Variants in KIRREL1 observed in about 807,000 individuals in gnomAD.
KIRREL1 encodes kirre like nephrin family adhesion molecule 1.
KIRREL1 carries 25 observed loss-of-function variants against 83.3 expected under a neutral mutation model. The ratio of observed to expected loss-of-function variants is 0.30; its 90% CI spans 0.22 to 0.42. The LOEUF (loss-of-function observed/expected upper bound fraction) is 0.42, where lower values mean the gene tolerates loss of function less well. Ranked by LOEUF, KIRREL1 falls within the 10% of genes least tolerant of loss-of-function variation. KIRREL1 has a pLI of 1.00. For synonymous variants in KIRREL1, 388 were observed against 410.4 expected (o/e 0.95, Z 0.66); for missense variants, 812 against 1,032.3 (o/e 0.79, Z 2.92).
Position 158,099,055 on chromosome 1 carries a change from G to A in KIRREL1, c.*3935G>A, listed in dbSNP as rs375022776. The A allele has an allele frequency of 1.3e-5, 2 of 152,242 alleles. No individual in the cohort carries two copies. The highest frequency in any genetic ancestry group is 3.8e-4 in the East Asian group (2 of 5,200). 9.4% of individuals were successfully genotyped at this position (152,242 alleles called of 1,614,324 possible). On this transcript the variant is annotated 3_prime_UTR_variant, in exon 15 of 15. Coordinates refer to ENST00000359209, the MANE Select transcript of KIRREL1 (RefSeq NM_018240.7). ...AGCGAACTGCCTTGTTCTTTGCTGT[G>A]TGGAAGGTTCTGTCCCTACTGCTGA...
At chr1:158,079,863 C>G (rs1371817631) in intron 3 of KIRREL1, among the ~76,000 whole-genome samples, 1 of 152,196 alleles carries the variant, frequency 6.6e-6, no homozygotes, top group Non-Finnish European at 1.5e-5. Flanking sequence ...GACTTGTAAA[C>G]TGTGAAGGTC....
chr1:158,058,727 T>C (rs1240325333), intron 1 of KIRREL1, among the ~76,000 whole-genome samples: 2 of 152,122 alleles, frequency 1.3e-5, no homozygotes, highest in African/African-American at 4.8e-5. Flanking sequence ...GAGACATCTC[T>C]TAGGTATGCA....
At chr1:158,086,508 C>T (rs1420413453) in intron 4 of KIRREL1, 88 bp from the exon 5 acceptor site, 7 of 1,384,144 alleles carry the variant, frequency 5.1e-6, no homozygotes, top group Middle Eastern at 1.8e-4. Context: ...ACCCCTCCAG[C>T]CCAAGCCCAT....
At chr1:158,087,477 A>G (rs1285564519) in intron 5 of KIRREL1, among the ~76,000 whole-genome samples, 1 of 152,082 alleles carries the variant, frequency 6.6e-6, no homozygotes, top group Admixed American at 6.5e-5. Context: ...TTAGTGAGCC[A>G]AGCAAGCTCA....
rs201668927 is a variant in KIRREL1 at position 158,091,564 on chromosome 1, G to T, written c.1471+8G>T. 9.9e-6 allele frequency: 16 copies of T among 1,613,914 alleles called. No homozygotes were observed. Among genetic ancestry groups the T allele is most frequent in the Middle Eastern group, 3.3e-4 (2 of 6,052 alleles). Reference sequence around the variant, plus strand: ...TCCAGCTGGAAGAGCGAGGTGACTGGTAGTGCTGCCTGCCAGCTGGGGTGC... The same window carrying T: ...TCCAGCTGGAAGAGCGAGGTGACTGTTAGTGCTGCCTGCCAGCTGGGGTGC... On this transcript the variant is annotated splice_region_variant and intron_variant, in intron 11 of 14. Coordinates refer to ENST00000359209, the MANE Select transcript of KIRREL1 (RefSeq NM_018240.7).
chr1:158,091,476 C>T lies in KIRREL1; in HGVS notation c.1391C>T (p.Ala464Val). The T allele has an allele frequency of 6.2e-7, 1 of 1,614,256 alleles. No individual in the cohort carries two copies. The highest frequency in any genetic ancestry group is 8.5e-7 in the Non-Finnish European group (1 of 1,180,042). The stretch of plus-strand genomic sequence containing the variant: ...CTCACCATCAACAATGTCATGGAGG[C>T]CGACTTTCAGACTCACTACAACTGC... ...STLTINNVME[A>V]DFQTHYNCTA... The change falls in exon 11 of 15, where the codon GCC (alanine) becomes GTC (valine). Residue 464 changes from alanine (A) to valine (V), a missense_variant. This residue lies in a region of KIRREL1 where 472 missense variants were observed against 626.8 expected (regional missense o/e 0.75). Coordinates refer to ENST00000359209, the MANE Select transcript of KIRREL1 (RefSeq NM_018240.7).
intron 1 of KIRREL1, among the ~76,000 whole-genome samples, chr1:158,029,817 G>A (rs1330652369): frequency 6.6e-6 from 1 of 152,198 alleles, no homozygotes; most frequent in East Asian, 1.9e-4. Flanking sequence ...ACCTTGCAGG[G>A]CTGTTCAGAG....
rs566456387 is a variant in KIRREL1 at position 158,084,244 on chromosome 1, C to G, written c.353-178C>G. On this transcript the variant is annotated intron_variant, in intron 3 of 14. Coordinates refer to ENST00000359209, the MANE Select transcript of KIRREL1 (RefSeq NM_018240.7). ...TGGGAAAGATGTGTGAGCTGAGGACCTAGAGGAAGCCACCACAAGAGCAAT... is the reference window on the plus strand; with the variant it reads ...TGGGAAAGATGTGTGAGCTGAGGACGTAGAGGAAGCCACCACAAGAGCAAT... Among the ~76,000 whole-genome samples the G allele has an allele frequency of 5.0e-4, 76 of 152,066 alleles. 1 individual carries two copies. Among genetic ancestry groups the G allele is most frequent in the Admixed American group, 1.4e-3 (21 of 15,268 alleles).
At chr1:158,091,687 G>A (rs1662202222) in intron 11 of KIRREL1, 131 bp downstream of exon 11, 2 of 828,038 alleles carry the variant, frequency 2.4e-6, no homozygotes, top group Non-Finnish European at 3.8e-6. Flanking sequence ...GACACACAGA[G>A]GGATGTCCTG....
rs1421708426 is a variant in KIRREL1, at chr1:158,077,986, T to C, written c.203-5T>C. The C allele has an allele frequency of 1.2e-6, 2 of 1,613,944 alleles. No homozygotes were observed. Among genetic ancestry groups the C allele is most frequent in the Non-Finnish European group, 1.7e-6 (2 of 1,179,830 alleles). ...GGTTGGGCCTCATTCTTTCTGTTTC[T>C]GCAGCCTGGCCACGGTACCGGGTTG... is the stretch of plus-strand genomic sequence containing the variant. On this transcript the variant is annotated splice_polypyrimidine_tract_variant and splice_region_variant and intron_variant, in intron 2 of 14. Transcript: ENST00000359209.
At chr1:158,066,936 C>G (rs748877324) in intron 1 of KIRREL1, among the ~76,000 whole-genome samples, 6 of 152,194 alleles carry the variant, frequency 3.9e-5, no homozygotes, top group African/African-American at 7.2e-5. Flanking sequence ...CCTACCACCC[C>G]CTTTCTGCTC....
intron 1 of KIRREL1, among the ~76,000 whole-genome samples, chr1:157,998,140 G>T (rs1659257243): frequency 6.6e-6 from 1 of 152,144 alleles, no homozygotes; most frequent in Admixed American, 6.5e-5. Context: ...AAAGTGCCGG[G>T]ATTATAGGTG....
chr1:158,088,419 C>G lies in KIRREL1; in HGVS notation c.1009C>G (p.Leu337Val), dbSNP rs755311233. 5 of 1,613,616 alleles carry G rather than the reference C, an allele frequency of 3.1e-6. No individual in the cohort carries two copies. Among genetic ancestry groups the G allele is most frequent in the Non-Finnish European group, 4.2e-6 (5 of 1,179,800 alleles). ...CTGTGTCTGGGTTGGGAATCCCCCC[C>G]TCACTCTCACCTGGACCAAAAAGGA... ...LTCVWVGNPP[L>V]TLTWTKKDSN... is the part of the protein sequence containing the mutation. Residue 337 changes from leucine (L) to valine (V), a missense_variant, in exon 8 of 15, where the codon CTC becomes GTC. Coordinates refer to ENST00000359209, the MANE Select transcript of KIRREL1 (RefSeq NM_018240.7).
At chr1:158,043,986 G>T (rs1160591733) in intron 1 of KIRREL1, among the ~76,000 whole-genome samples, 1 of 152,198 alleles carries the variant, frequency 6.6e-6, no homozygotes, top group South Asian at 2.1e-4. Context: ...TATCTTAATG[G>T]TAGATGTTGA....
chr1:158,039,835 G>A (rs1306979569), intron 1 of KIRREL1, among the ~76,000 whole-genome samples: 1 of 152,208 alleles, frequency 6.6e-6, no homozygotes, highest in East Asian at 1.9e-4. Context: ...GGTCCCAGAA[G>A]GGAGAGAGCT....
chr1:158,064,412 C>T (rs1661306294), intron 1 of KIRREL1, among the ~76,000 whole-genome samples: 1 of 152,136 alleles, frequency 6.6e-6, no homozygotes, highest in Non-Finnish European at 1.5e-5. Context: ...TTGAGTCCAC[C>T]CTAATTGACC....
At chr1:158,061,705 A>C (rs1167220951) in intron 1 of KIRREL1, among the ~76,000 whole-genome samples, 1 of 152,214 alleles carries the variant, frequency 6.6e-6, no homozygotes, top group Non-Finnish European at 1.5e-5. Flanking sequence ...CCCCCAGATC[A>C]GCAGAATTTG....
intron 1 of KIRREL1, among the ~76,000 whole-genome samples, chr1:158,009,744 C>G (rs1557986801): frequency 6.6e-6 from 1 of 152,226 alleles, no homozygotes; most frequent in Non-Finnish European, 1.5e-5. Context: ...CTCATTGGCA[C>G]CCAGCTCCAA....
intron 1 of KIRREL1, among the ~76,000 whole-genome samples, chr1:158,004,171 G>A (rs1236512586): frequency 6.6e-6 from 1 of 152,174 alleles, no homozygotes; most frequent in East Asian, 1.9e-4. Context: ...ATCTTCTAGG[G>A]TTGTTGTGAG....
Sources: allele counts gnomAD v4.1 joint callset (sites outside exome capture counted in the v4.1 genomes callset), GRCh38; gene constraint gnomAD v4.1.1; regional missense constraint gnomAD v4.1.1; transcripts MANE v1.5; gene names NCBI Gene and HGNC (gene_info 2026-07-23, HGNC 2026-07-21).